The following PTPRT variants were observed in gnomAD, a reference collection of about 807,000 sequenced individuals.
PTPRT encodes the protein protein tyrosine phosphatase receptor type T.
PTPRT carries 56 observed loss-of-function variants against 176.8 expected under a neutral mutation model. The observed-to-expected ratio is 0.32, with a 90% confidence interval of 0.26 to 0.40. The LOEUF is 0.40. PTPRT is among the 10% of genes least tolerant of loss of function. The pLI is 1.00. For missense variants in PTPRT, 1,540 were observed against 1,908.2 expected, an observed-to-expected ratio of 0.81 and a Z score of 3.60; for synonymous variants, 783 against 739.0, an observed-to-expected ratio of 1.06 and a Z score of -0.96.
chr20:42,638,205 C>T (rs1487188130), intron 7 of PTPRT, among the ~76,000 whole-genome samples: 1 of 152,034 alleles, frequency 6.6e-6, no homozygotes, highest in African/African-American at 2.4e-5. Flanking sequence ...GTCACCCAGA[C>T]CAGAGGTGAG....
chr20:43,022,583 G>A (rs1167435770), intron 1 of PTPRT, among the ~76,000 whole-genome samples: 2 of 152,328 alleles, frequency 1.3e-5, no homozygotes, highest in South Asian at 4.1e-4. Context: ...TATGTCTGGA[G>A]AGGGGGCTGA....
intron 11 of PTPRT, among the ~76,000 whole-genome samples, chr20:42,334,312 CA>C (rs2145447240): frequency 6.6e-6 from 1 of 152,138 alleles, no homozygotes; most frequent in Admixed American, 6.5e-5. Flanking sequence ...TTGTAATAAA[CA>C]AAAATATGTC....
intron 7 of PTPRT, among the ~76,000 whole-genome samples, chr20:42,498,118 G>A (rs1003510374): frequency 1.3e-5 from 2 of 152,108 alleles, no homozygotes; most frequent in African/African-American, 2.4e-5. Flanking sequence ...AAAAATACAC[G>A]AGAACCTCAA....
chr20:42,410,294 A>T (rs1182969444), intron 9 of PTPRT, among the ~76,000 whole-genome samples: 1 of 152,182 alleles, frequency 6.6e-6, no homozygotes, highest in African/African-American at 2.4e-5. Context: ...GAAATCAAAC[A>T]TATTTCCATC....
At chr20:42,690,984 C>A (rs1333002134) in intron 6 of PTPRT, among the ~76,000 whole-genome samples, 1 of 152,170 alleles carries the variant, frequency 6.6e-6, no homozygotes, top group Non-Finnish European at 1.5e-5. Flanking sequence ...GGTCTTTCTC[C>A]CCATTCCACA....
In PTPRT at chr20:43,125,425, G is replaced by A. The variant is rs2013404592; in HGVS notation, c.88+64221C>T. ...CTCATTTCTCACTGACTGCACAATA[G>A]AAAAATCCCTGTTAATAAGCTCCCC... On this transcript the variant is annotated intron_variant, in intron 1 of 30. Coordinates refer to ENST00000373187, the MANE Select transcript of PTPRT (RefSeq NM_007050.6). Among the ~76,000 whole-genome samples the A allele has an allele frequency of 2.0e-5, 3 of 152,018 alleles. No individual in the cohort carries two copies. The South Asian group carries it at 6.2e-4, about 32-fold the overall frequency.
intron 7 of PTPRT, among the ~76,000 whole-genome samples, chr20:42,642,702 A>T (rs2074787862): frequency 6.6e-6 from 1 of 152,180 alleles, no homozygotes; most frequent in African/African-American, 2.4e-5. Context: ...TAACCTAATT[A>T]GTTAGTGGGA....
chr20:42,694,691 G>T (rs2075846501), intron 6 of PTPRT, among the ~76,000 whole-genome samples: 1 of 152,156 alleles, frequency 6.6e-6, no homozygotes, highest in Admixed American at 6.5e-5. Context: ...TACTACTATT[G>T]TCACTATTTC....
At chr20:42,362,823 G>A (rs1435817014) in intron 9 of PTPRT, among the ~76,000 whole-genome samples, 2 of 151,904 alleles carry the variant, frequency 1.3e-5, no homozygotes, top group East Asian at 1.9e-4. Context: ...ATTAAATATT[G>A]AGCCAGGCGC....
rs1569038039 is a variant in PTPRT, at chr20:42,633,993, T to TA, written c.1153+43872dup. On this transcript the variant is annotated intron_variant, in intron 7 of 30. Coordinates refer to ENST00000373187, the MANE Select transcript of PTPRT (RefSeq NM_007050.6). ...TTATAATATATTATATATTATATTATATATATTATATATATATAATATATA... is the reference window on the plus strand; with the variant it reads ...TTATAATATATTATATATTATATTATAATATATTATATATATATAATATATA... 3.9e-3 allele frequency among the ~76,000 whole-genome samples: 92 copies of TA among 23,830 alleles called. 9 individuals carry two copies. Among genetic ancestry groups the TA allele is most frequent in the African/African-American group, 0.018 (87 of 4,808 alleles). The allele number at this position is 23,830 out of a possible 152,430, so 15.6% of individuals were successfully genotyped here.
intron 9 of PTPRT, among the ~76,000 whole-genome samples, chr20:42,439,257 G>A (rs2059290589): frequency 6.6e-6 from 1 of 152,144 alleles, no homozygotes; most frequent in Non-Finnish European, 1.5e-5. Flanking sequence ...ATTGTTTTGT[G>A]TGTGCACATG....
At chr20:42,762,757 G>A (rs2076932745) in intron 5 of PTPRT, among the ~76,000 whole-genome samples, 1 of 152,216 alleles carries the variant, frequency 6.6e-6, no homozygotes, top group South Asian at 2.1e-4. Context: ...GTACAGGAGG[G>A]ATACATGTTC....
At chr20:42,554,393 T>C (rs1282512892) in intron 7 of PTPRT, among the ~76,000 whole-genome samples, 8 of 152,136 alleles carry the variant, frequency 5.3e-5, no homozygotes, top group Non-Finnish European at 1.0e-4. Context: ...ACTAGCTAAA[T>C]GCTGGCTGCA....
chr20:42,862,017 A>T (rs2078670612), intron 2 of PTPRT, among the ~76,000 whole-genome samples: 1 of 152,204 alleles, frequency 6.6e-6, no homozygotes, highest in South Asian at 2.1e-4. Context: ...TCTACCTGCC[A>T]TATTGCAAAA....
chr20:43,094,267 T>C (rs542475863), intron 1 of PTPRT, among the ~76,000 whole-genome samples: 2 of 150,830 alleles, frequency 1.3e-5, no homozygotes, highest in Middle Eastern at 3.5e-3. Flanking sequence ...TTTGTTTTTT[T>C]AGTAGAGACG....
chr20:42,427,254 C>T (rs1601005889), intron 9 of PTPRT, among the ~76,000 whole-genome samples: 1 of 152,250 alleles, frequency 6.6e-6, no homozygotes, highest in East Asian at 1.9e-4. Flanking sequence ...TTAAGAAGTA[C>T]CATGGGAGTT....
intron 2 of PTPRT, among the ~76,000 whole-genome samples, chr20:42,856,874 AAGG>A (rs2145779022): frequency 6.6e-6 from 1 of 152,248 alleles, no homozygotes; most frequent in East Asian, 1.9e-4. Context: ...GGGAGGGAAA[AAGG>A]AGGAGAAAAA....
intron 1 of PTPRT, among the ~76,000 whole-genome samples, chr20:43,083,139 G>A (rs117780010): frequency 6.1e-4 from 92 of 151,640 alleles, no homozygotes; most frequent in South Asian, 1.0e-3. Context: ...TCTGTGCAGC[G>A]AACAGCAGGA....
At chr20:42,200,027 G>A (rs1385032495) in intron 15 of PTPRT, among the ~76,000 whole-genome samples, 4 of 150,410 alleles carry the variant, frequency 2.7e-5, no homozygotes, top group African/African-American at 9.8e-5. Context: ...AAACTTTGGT[G>A]TAAATTTGAA....
Sources: allele counts gnomAD v4.1 joint callset (sites outside exome capture counted in the v4.1 genomes callset), GRCh38; gene constraint gnomAD v4.1.1; transcripts MANE v1.5; gene names NCBI Gene and HGNC (gene_info 2026-07-23, HGNC 2026-07-21).